Variants in IQGAP2 observed in about 807,000 individuals in gnomAD.
The protein encoded by IQGAP2 is IQ motif containing GTPase activating protein 2.
In IQGAP2, 173 loss-of-function variants were observed where a neutral mutation model predicts 201.3. That is an observed-to-expected ratio of 0.86 (90% CI 0.76 to 0.98). The LOEUF (loss-of-function observed/expected upper bound fraction) is 0.98, where lower values mean the gene tolerates loss of function less well. Ranked by LOEUF, IQGAP2 falls within the 50% of genes least tolerant of loss-of-function variation. The pLI is 0.00. For synonymous variants in IQGAP2, 675 were observed against 673.9 expected (o/e 1.00, Z -0.03); for missense variants, 1,687 against 1,864.8 (o/e 0.90, Z 1.76).
In IQGAP2 at chr5:76,674,551, C is replaced by T. The variant is rs752828131; in HGVS notation, c.3369C>T (p.Asp1123=). ...CTCCAGATGGCTTTGATATCATCGA[C>T]ATGACAGCTGGAGGTCAGATAAATT... ...IVAPDGFDII[D]MTAGGQINSD... The change falls in exon 27 of 36, where the codon GAC becomes GAT. Residue 1123 remains aspartate (D), a synonymous_variant. Transcript: ENST00000274364. 1.2e-6 allele frequency: 2 copies of T among 1,614,006 alleles called. No individual in the cohort carries two copies. Among genetic ancestry groups the T allele is most frequent in the Admixed American group, 3.3e-5 (2 of 59,996 alleles).
intron 28 of IQGAP2, among the ~76,000 whole-genome samples, chr5:76,682,532 T>C (rs383644): frequency 1 from 152,122 of 152,182 alleles, 76,031 homozygotes; most frequent in Middle Eastern, 1. Context: ...CAGGAGTTAA[T>C]ACTGTTTCCT....
Position 76,587,491 on chromosome 5 carries a change from C to T in IQGAP2, c.459-1415C>T, listed in dbSNP as rs140776216. Among the ~76,000 whole-genome samples the T allele has an allele frequency of 3.6e-3, 548 of 152,212 alleles. 6 individuals are homozygous for T. The highest frequency in any genetic ancestry group is 0.012 in the African/African-American group (519 of 41,548). On this transcript the variant is annotated intron_variant, in intron 5 of 35. Coordinates refer to ENST00000274364, the MANE Select transcript of IQGAP2 (RefSeq NM_006633.5). ...CATTCATATTCTAGAATAATATATA[C>T]GTTTATAAAATAGGTATGTCCAGAA...
chr5:76,428,437 C>CTTT (rs1003388325), intron 1 of IQGAP2, among the ~76,000 whole-genome samples: 4 of 135,704 alleles, frequency 2.9e-5, no homozygotes, highest in Non-Finnish European at 3.2e-5. Flanking sequence ...ATCCTTTTTT[C>CTTT]TTTTTTTTTT....
Position 76,642,733 on chromosome 5 carries a change from C to T in IQGAP2, c.2094+1630C>T, listed in dbSNP as rs987193349. 7.2e-5 allele frequency among the ~76,000 whole-genome samples: 11 copies of T among 152,212 alleles called. 1 individual carries two copies. Among genetic ancestry groups the T allele is most frequent in the Admixed American group, 7.2e-4 (11 of 15,270 alleles). ...CTAGCTGGCTGAACTGCCCCCCAGA[C>T]ACAGTAGTCTTAACACATTTGGAGA... On this transcript the variant is annotated intron_variant, in intron 17 of 35. Transcript: ENST00000274364.
At chr5:76,566,379 A>G (rs549514898) in intron 3 of IQGAP2, among the ~76,000 whole-genome samples, 16 of 152,310 alleles carry the variant, frequency 1.1e-4, no homozygotes, top group African/African-American at 3.6e-4. Flanking sequence ...AAGGGTGGGC[A>G]CTGGGAAGAA....
At chr5:76,538,241 A>C (rs185937944) in intron 2 of IQGAP2, among the ~76,000 whole-genome samples, 582 of 152,324 alleles carry the variant, frequency 3.8e-3, no homozygotes, top group African/African-American at 0.013. Context: ...ACAGCACAAG[A>C]AAGACCCGCC....
intron 9 of IQGAP2, among the ~76,000 whole-genome samples, chr5:76,593,351 G>A (rs1409652324): frequency 4.3e-5 from 3 of 69,508 alleles, no homozygotes; most frequent in Non-Finnish European, 8.7e-5. Context: ...TTAGTCTGTT[G>A]TTTGTAAGAT....
At chr5:76,562,094 G>T (rs187899843) in intron 2 of IQGAP2, among the ~76,000 whole-genome samples, 40 of 152,258 alleles carry the variant, frequency 2.6e-4, no homozygotes, top group Non-Finnish European at 5.0e-4. Flanking sequence ...TATACAAAAT[G>T]GTTTGGCCTT....
chr5:76,552,232 G>A (rs1743607889), intron 2 of IQGAP2, among the ~76,000 whole-genome samples: 1 of 152,174 alleles, frequency 6.6e-6, no homozygotes, highest in South Asian at 2.1e-4. Context: ...AGTCAGCAGT[G>A]TTTCTGCTAC....
At chr5:76,609,170 T>C (rs1165473943) in intron 12 of IQGAP2, 1 of 1,536,000 alleles carries the variant, frequency 6.5e-7, no homozygotes, top group South Asian at 1.2e-5. Flanking sequence ...TGAAATGCAC[T>C]CACTTCCAGG....
In IQGAP2 at chr5:76,518,856, T is replaced by C. The variant is rs540183010; in HGVS notation, c.147-43540T>C. 5.9e-5 allele frequency among the ~76,000 whole-genome samples: 9 copies of C among 152,234 alleles called. No individual in the cohort carries two copies. The South Asian group carries it at 1.7e-3, about 28-fold the overall frequency. ...TAGTTAATAAAAAATGGCTTTTGGG[T>C]CCAGTGTTAACGTTAGTAAATTAAT... On this transcript the variant is annotated intron_variant, in intron 2 of 35. Coordinates refer to ENST00000274364, the MANE Select transcript of IQGAP2 (RefSeq NM_006633.5).
intron 11 of IQGAP2, among the ~76,000 whole-genome samples, chr5:76,601,446 G>A (rs929288150): frequency 1.3e-5 from 2 of 151,786 alleles, no homozygotes; most frequent in East Asian, 1.9e-4. Flanking sequence ...TGAGACCACA[G>A]TGGGTCATGG....
chr5:76,622,885 G>A (rs756028148), intron 13 of IQGAP2, among the ~76,000 whole-genome samples: 33 of 152,046 alleles, frequency 2.2e-4, no homozygotes, highest in Non-Finnish European at 7.3e-5. Flanking sequence ...ACACAAAAAC[G>A]ACTTTCAAAA....
intron 17 of IQGAP2, among the ~76,000 whole-genome samples, chr5:76,651,864 T>G (rs1023350320): frequency 3.9e-5 from 6 of 152,200 alleles, no homozygotes; most frequent in African/African-American, 1.4e-4. Flanking sequence ...AATATTATTT[T>G]TTTGAAATAA....
chr5:76,491,130 G>A (rs936807463), intron 2 of IQGAP2, among the ~76,000 whole-genome samples: 33 of 151,610 alleles, frequency 2.2e-4, no homozygotes, highest in African/African-American at 8.0e-4. Flanking sequence ...CTGGAAGATT[G>A]TTTCTGTCTT....
intron 1 of IQGAP2, among the ~76,000 whole-genome samples, chr5:76,439,483 T>G (rs1752908931): frequency 6.6e-6 from 1 of 152,216 alleles, no homozygotes. Context: ...TATCTATTTC[T>G]TAGGTCCAGT....
At chr5:76,417,412 C>T (rs1345835833) in intron 1 of IQGAP2, among the ~76,000 whole-genome samples, 1 of 152,010 alleles carries the variant, frequency 6.6e-6, no homozygotes, top group Admixed American at 6.5e-5. Flanking sequence ...GCCTCAGCCT[C>T]CTGAGTAGCC....
chr5:76,514,329 C>T (rs1476846543), intron 2 of IQGAP2, among the ~76,000 whole-genome samples: 1 of 152,134 alleles, frequency 6.6e-6, no homozygotes, highest in African/African-American at 2.4e-5. Flanking sequence ...TTTAAAATTA[C>T]TGACCCCAGG....
intron 5 of IQGAP2, among the ~76,000 whole-genome samples, chr5:76,578,514 A>G (rs985822256): frequency 2.6e-5 from 4 of 152,104 alleles, no homozygotes; most frequent in African/African-American, 9.7e-5. Flanking sequence ...GGGTTTCACC[A>G]TGTTGGCCAG....
Sources: allele counts gnomAD v4.1 joint callset (sites outside exome capture counted in the v4.1 genomes callset), GRCh38; gene constraint gnomAD v4.1.1; transcripts MANE v1.5; gene names NCBI Gene and HGNC (gene_info 2026-07-23, HGNC 2026-07-21).